Variants in ARPC1B observed in about 807,000 individuals in gnomAD.
ARPC1B encodes the protein actin-related protein 2/3 complex subunit 1B.
A neutral mutation model predicts 46.0 loss-of-function variants in ARPC1B; 29 were observed. The observed-to-expected ratio is 0.63, with a 90% CI of 0.47 to 0.86. ARPC1B has a LOEUF of 0.86. Ranked by LOEUF, ARPC1B falls within the 40% of genes least tolerant of loss-of-function variation. The pLI is 0.00. For missense variants in ARPC1B, 469 were observed against 529.4 expected, an observed-to-expected ratio of 0.89 and a Z score of 1.12; for synonymous variants, 201 against 213.9, an observed-to-expected ratio of 0.94 and a Z score of 0.53.
chr7:99,379,556 G>A (rs532546392), intron 1 of ARPC1B, among the ~76,000 whole-genome samples: 55 of 152,248 alleles, frequency 3.6e-4, no homozygotes, highest in African/African-American at 1.2e-3. Flanking sequence ...TGGATTCAGG[G>A]AAACCTAAGG....
chr7:99,376,552 G>A (rs528083447), intron 1 of ARPC1B: 22 of 152,238 alleles, frequency 1.4e-4, no homozygotes, highest in African/African-American at 5.3e-4. Context: ...CTGAGCCTGG[G>A]TTTCCTCCTG....
chr7:99,390,122 A>C, intron 5 of ARPC1B, 110 bp downstream of exon 5: 3 of 950,420 alleles, frequency 3.2e-6, no homozygotes, highest in Non-Finnish European at 4.8e-6. Context: ...GACACATTCC[A>C]GACCTGCTAC....
intron 3 of ARPC1B, among the ~76,000 whole-genome samples, chr7:99,387,179 T>C (rs1794417748): frequency 6.6e-6 from 1 of 152,144 alleles, no homozygotes; most frequent in African/African-American, 2.4e-5. Context: ...CAGTGGCTCA[T>C]GCCTGTAATC....
At chr7:99,382,402 GAAA>G (rs112909636) in intron 1 of ARPC1B, among the ~76,000 whole-genome samples, 7 of 93,342 alleles carry the variant, frequency 7.5e-5, no homozygotes, top group Non-Finnish European at 1.1e-4. Context: ...ACTTCATCTC[GAAA>G]AAAAAAAAAA....
chr7:99,388,517 G>C (rs961197151), intron 4 of ARPC1B: 1 of 492,606 alleles, frequency 2.0e-6, no homozygotes, highest in African/African-American at 1.9e-5. Context: ...CATTAGTCCT[G>C]ACTTCCCTGC....
In ARPC1B at chr7:99,391,261, A is replaced by C. The variant is rs1434811567; in HGVS notation, c.783+8A>C. The C allele has an allele frequency of 6.2e-7, 1 of 1,612,360 alleles. No individual in the cohort carries two copies. Among genetic ancestry groups the C allele is most frequent in the African/African-American group, 1.3e-5 (1 of 74,892 alleles). Reference sequence around the variant, plus strand: ...AACAGCCTGGTGGCAGCGGTGAGGAATAGGGAGGGGAGGGAGGGTGTGTGG... The same window carrying C: ...AACAGCCTGGTGGCAGCGGTGAGGACTAGGGAGGGGAGGGAGGGTGTGTGG... On this transcript the variant is annotated splice_region_variant and intron_variant, in intron 7 of 9. Transcript: ENST00000646101.
Position 99,386,735 on chromosome 7 carries a change from G to T in ARPC1B, c.115G>T (p.Gly39Cys), listed in dbSNP as rs148509279. Residue 39 changes from glycine (G) to cysteine (C), a missense_variant, in exon 3 of 10, where the codon GGT becomes TGT. Physicochemically the swap from Gly to Cys is radical, Grantham distance 159. Transcript: ENST00000646101. ...TGAGGTGCATATCTATGAAAAGAGC[G>T]GTGCCAAATGGACCAAGGTGCACGA... The part of the protein sequence containing the change: ...NHEVHIYEKS[G>C]AKWTKVHELK... 1.9e-5 allele frequency: 30 copies of T among 1,614,124 alleles called. No individual in the cohort carries two copies. The highest frequency in any genetic ancestry group is 3.3e-5 in the Admixed American group (2 of 60,018).
chr7:99,392,936 C>T (rs911103706), intron 8 of ARPC1B, 60 bp downstream of exon 8: 1 of 1,473,162 alleles, frequency 6.8e-7, no homozygotes, highest in South Asian at 1.3e-5. Flanking sequence ...GAAACAGCGT[C>T]GGGTGAGGAA....
At chr7:99,385,004 C>T (rs775058295) in intron 1 of ARPC1B, among the ~76,000 whole-genome samples, 9 of 117,966 alleles carry the variant, frequency 7.6e-5, no homozygotes, top group Non-Finnish European at 1.3e-4. Flanking sequence ...CTCACTCTGT[C>T]GCCCAGGCTG....
At position 99,392,800 on chromosome 7, in the gene ARPC1B, C is replaced by G; in HGVS notation, c.913C>G (p.Leu305Val). The change falls in exon 8 of 10, where the codon CTG becomes GTG. Residue 305 changes from leucine (L) to valine (V), a missense_variant. Coordinates refer to ENST00000646101, the MANE Select transcript of ARPC1B (RefSeq NM_005720.4). ...GACGGCCCGCGAGCGCTTCCAGAACCTGGACAAGAAGGCGAGCTCCGAGGG... is the reference window on the plus strand; with the variant it reads ...GACGGCCCGCGAGCGCTTCCAGAACGTGGACAAGAAGGCGAGCTCCGAGGG... ...GLTARERFQN[L>V]DKKASSEGGT... 1 of 1,550,168 alleles carries G rather than the reference C, an allele frequency of 6.5e-7. No homozygotes were observed. Among genetic ancestry groups the G allele is most frequent in the Non-Finnish European group, 8.7e-7 (1 of 1,146,810 alleles).
rs1051362285 is a variant in ARPC1B, at chr7:99,385,656, C to T, written c.-13-46C>T. 5 of 1,540,616 alleles carry T rather than the reference C, an allele frequency of 3.2e-6. No homozygotes were observed. The African/African-American group carries it at 5.4e-5, about 17-fold the overall frequency. ...GGCCTGGTATGGGTGAAGTCAGGGG[C>T]AAGGTTGGGGCTGACGTGGATTCTC... is the stretch of plus-strand genomic sequence containing the variant. On this transcript the variant is annotated intron_variant, in intron 1 of 9. Transcript: ENST00000646101.
chr7:99,375,012 A>G (rs1584394449), intron 1 of ARPC1B, among the ~76,000 whole-genome samples: 1 of 77,394 alleles, frequency 1.3e-5, no homozygotes, highest in Non-Finnish European at 2.6e-5. Context: ...CGCGGGGACG[A>G]GGGGCTCACG....
chr7:99,393,964 A>T, intron 8 of ARPC1B, 65 bp from the exon 9 acceptor site: 1 of 1,547,066 alleles, frequency 6.5e-7, no homozygotes, highest in Non-Finnish European at 8.9e-7. Flanking sequence ...CGCCTGGTGG[A>T]CAGGGTGGGC....
rs1015418345 is a variant in ARPC1B at position 99,388,232 on chromosome 7, C to T, written c.363C>T (p.Ser121=). ...FAVGSGSRVI[S]ICYFEQENDW... is the part of the protein sequence containing the mutation. The stretch of plus-strand genomic sequence containing the variant: ...TGGGCAGCGGCTCTCGTGTGATCTC[C>T]ATCTGTTATTTCGAGCAGGAGAATG... Residue 121 remains serine, a synonymous_variant, in exon 4 of 10, where the codon TCC becomes TCT. Transcript: ENST00000646101. 6.2e-7 allele frequency: 1 copy of T among 1,614,022 alleles called. No individual in the cohort carries two copies. Among genetic ancestry groups the T allele is most frequent in the African/African-American group, 1.3e-5 (1 of 74,940 alleles).
rs189323739 is a variant in ARPC1B at position 99,394,448 on chromosome 7, C to T, written c.1081-3C>T. 706 of 1,613,444 alleles carry T rather than the reference C, an allele frequency of 4.4e-4. 19 individuals are homozygous for T. In the Admixed American group the frequency reaches 0.012, roughly 26 times the overall value. On this transcript the variant is annotated splice_region_variant and splice_polypyrimidine_tract_variant and intron_variant, in intron 9 of 9. Transcript: ENST00000646101. ...CCAGCCTGTCCGTTCTGCCTCCCTG[C>T]AGAGCTTGGAGTCAGCCTTGAAGGA...
chr7:99,393,559 C>A (rs1794652889), intron 8 of ARPC1B, among the ~76,000 whole-genome samples: 1 of 152,004 alleles, frequency 6.6e-6, no homozygotes, highest in Admixed American at 6.5e-5. Flanking sequence ...AGAGGCTCTT[C>A]AAAGCCCAAA....
At chr7:99,379,489 G>C (rs1445184409) in intron 1 of ARPC1B, among the ~76,000 whole-genome samples, 1 of 152,154 alleles carries the variant, frequency 6.6e-6, no homozygotes, top group African/African-American at 2.4e-5. Context: ...CTGTAATGCT[G>C]AGATCTTTCC....
chr7:99,386,797 A>G lies in ARPC1B; in HGVS notation c.169+8A>G, dbSNP rs1353739843. 1 of 1,610,536 alleles carries G rather than the reference A, an allele frequency of 6.2e-7. No homozygotes were observed. The highest frequency in any genetic ancestry group is 1.7e-5 in the Admixed American group (1 of 59,986). ...ACAACGGGCAGGTGACAGGTATGTC[A>G]GGGTGGCTGGGACCACCGTCCTGAA... is the stretch of plus-strand genomic sequence containing the variant. On this transcript the variant is annotated splice_region_variant and intron_variant, in intron 3 of 9. Transcript: ENST00000646101.
chr7:99,375,674 G>A (rs1306372474), intron 1 of ARPC1B, among the ~76,000 whole-genome samples: 1 of 152,202 alleles, frequency 6.6e-6, no homozygotes, highest in Non-Finnish European at 1.5e-5. Context: ...TAGAATCCTA[G>A]CATTTTGAGA....
Sources: gnomAD v4.1 joint callset for allele counts (sites outside exome capture counted in the v4.1 genomes callset) on GRCh38, gnomAD v4.1.1 for gene constraint, MANE v1.5 for transcripts, NCBI Gene and HGNC (gene_info 2026-07-23, HGNC 2026-07-21) for gene names.